IGSF3: variants seen among roughly 807,000 people sequenced by gnomAD.
The protein encoded by IGSF3 is glu-Trp-Ile EWI motif-containing protein 3.
IGSF3 carries 23 observed loss-of-function variants against 114.4 expected under a neutral mutation model. That is an observed-to-expected ratio of 0.20 (90% CI 0.14 to 0.28). IGSF3 has a LOEUF of 0.28. Ranked by LOEUF, IGSF3 falls within the 10% of genes least tolerant of loss-of-function variation. The pLI, the probability that IGSF3 is intolerant of heterozygous loss-of-function variation, is 1.00. For synonymous variants in IGSF3, 571 were observed against 645.2 expected (o/e 0.88, Z 1.74); for missense variants, 1,172 against 1,591.5 (o/e 0.74, Z 4.48).
intron 2 of IGSF3, among the ~76,000 whole-genome samples, chr1:116,631,029 A>G (rs150779700): frequency 0.019 from 2,857 of 152,276 alleles, 91 homozygotes; most frequent in African/African-American, 0.065. Context: ...ACTAAAGAGC[A>G]TGGGCTTGGC....
At position 116,612,890 on chromosome 1, in the gene IGSF3, G is replaced by A. The variant is rs377331182; in HGVS notation, c.832+875C>T. On this transcript the variant is annotated intron_variant, in intron 4 of 10. Transcript: ENST00000369486. The surrounding 1 kb of genome is among the most constrained non-coding windows in gnomAD (Gnocchi z 4.1). The stretch of plus-strand genomic sequence containing the variant: ...AGCTGTCAGCTCTGGCCTGGAGCCT[G>A]GTGGGCTCAGGAGACTGGGGAGTAG... Among the ~76,000 whole-genome samples the A allele has an allele frequency of 6.6e-6, 1 of 152,246 alleles. No individual in the cohort carries two copies. The highest frequency in any genetic ancestry group is 2.1e-4 in the South Asian group (1 of 4,832).
At position 116,628,697 on chromosome 1, in the gene IGSF3, C is replaced by T. The variant is rs1354695989; in HGVS notation, c.44-12240G>A. 6.6e-6 allele frequency among the ~76,000 whole-genome samples: 1 copy of T among 152,186 alleles called. No homozygotes were observed. The highest frequency in any genetic ancestry group is 1.5e-5 in the Non-Finnish European group (1 of 68,042). Reference sequence around the variant, plus strand: ...CACTGCTTCTGGGGGTTTTCCCAAGCACGTGTTACGTATGATAATAATGGA... The same window carrying T: ...CACTGCTTCTGGGGGTTTTCCCAAGTACGTGTTACGTATGATAATAATGGA... On this transcript the variant is annotated intron_variant, in intron 2 of 10. Transcript: ENST00000369486. This position sits in a 1 kb window ranked among gnomAD's most constrained non-coding sequence, Gnocchi z 4.2.
In IGSF3 at chr1:116,642,997, C is replaced by T. The variant is rs1648177411; in HGVS notation, c.43+23287G>A. 6.6e-6 allele frequency among the ~76,000 whole-genome samples: 1 copy of T among 152,192 alleles called. No individual in the cohort carries two copies. On this transcript the variant is annotated intron_variant, in intron 2 of 10. Transcript: ENST00000369486. The surrounding 1 kb of genome is among the most constrained non-coding windows in gnomAD (Gnocchi z 5.4). ...CCCTAAAGCAATTATTCATTAACCA[C>T]AGGGATCCACCATCCAGGAACAAAA...
At position 116,583,373 on chromosome 1, in the gene IGSF3, G is replaced by A. The variant is rs750385408; in HGVS notation, c.2848+1272C>T. Among the ~76,000 whole-genome samples, 7 of 152,118 alleles carry A rather than the reference G, an allele frequency of 4.6e-5. No individual in the cohort carries two copies. Among genetic ancestry groups the A allele is most frequent in the Non-Finnish European group, 8.8e-5 (6 of 68,016 alleles). On this transcript the variant is annotated intron_variant, in intron 9 of 10. Coordinates refer to ENST00000369486, the MANE Select transcript of IGSF3 (RefSeq NM_001007237.3). This position sits in a 1 kb window ranked among gnomAD's most constrained non-coding sequence, Gnocchi z 4.5. ...AAAATATAAATAAGTAAAAGCTCACGGAAAAATAGGAGTTAACTCAAAGTG... is the reference window on the plus strand; with the variant it reads ...AAAATATAAATAAGTAAAAGCTCACAGAAAAATAGGAGTTAACTCAAAGTG...
At chr1:116,587,324 A>G (rs1332201267) in intron 8 of IGSF3, among the ~76,000 whole-genome samples, 1 of 152,230 alleles carries the variant, frequency 6.6e-6, no homozygotes, top group Non-Finnish European at 1.5e-5. Flanking sequence ...GTAAATTAAC[A>G]GAATGTCAGG....
Position 116,593,051 on chromosome 1 carries a change from G to A in IGSF3, c.2030-3947C>T, listed in dbSNP as rs1230602652. Among the ~76,000 whole-genome samples, 2 of 152,218 alleles carry A rather than the reference G, an allele frequency of 1.3e-5. No homozygotes were observed. Among genetic ancestry groups the A allele is most frequent in the African/African-American group, 4.8e-5 (2 of 41,468 alleles). ...TTCAAGGAGGAGCAAGTGCTCAGGT[G>A]TAGTGGATGAGGTTAGAAAGGTAAG... On this transcript the variant is annotated intron_variant, in intron 7 of 10. Transcript: ENST00000369486. This position sits in a 1 kb window ranked among gnomAD's most constrained non-coding sequence, Gnocchi z 4.5.
chr1:116,658,040 A>G (rs699783), intron 2 of IGSF3, among the ~76,000 whole-genome samples: 149,296 of 151,058 alleles, frequency 0.99, 73,792 homozygotes, highest in Middle Eastern at 1. Flanking sequence ...TTTTTTTTGA[A>G]ATGGAGTTTT....
Position 116,624,203 on chromosome 1 carries a change from CAA to C in IGSF3, c.44-7748_44-7747del, listed in dbSNP as rs58584252. Among the ~76,000 whole-genome samples the C allele has an allele frequency of 2.6e-4, 31 of 118,746 alleles. No individual in the cohort carries two copies. The highest frequency in any genetic ancestry group is 2.7e-4 in the South Asian group (1 of 3,654). 77.9% of individuals were successfully genotyped at this position (118,746 alleles called of 152,430 possible). ...TGGGTGACAGAGCGAGATCTTGTCT[CAA>C]AAAAAAAAAAAAAATGGCTCTTGAA... On this transcript the variant is annotated intron_variant, in intron 2 of 10. Coordinates refer to ENST00000369486, the MANE Select transcript of IGSF3 (RefSeq NM_001007237.3). The surrounding 1 kb of genome is among the most constrained non-coding windows in gnomAD (Gnocchi z 4.9).
At chr1:116,659,079 G>A (rs3870825) in intron 2 of IGSF3, among the ~76,000 whole-genome samples, 1 of 152,198 alleles carries the variant, frequency 6.6e-6, no homozygotes, top group African/African-American at 2.4e-5. Context: ...CACTTTCCAG[G>A]CAGGGTAGAG....
At chr1:116,645,929 C>G (rs541921433) in intron 2 of IGSF3, among the ~76,000 whole-genome samples, 1 of 152,184 alleles carries the variant, frequency 6.6e-6, no homozygotes, top group Non-Finnish European at 1.5e-5. Flanking sequence ...GCCATGGACG[C>G]GACTGCGCTG....
rs184311779 is a variant in IGSF3, at chr1:116,590,063, C to T, written c.2030-959G>A. Among the ~76,000 whole-genome samples, 190 of 151,334 alleles carry T rather than the reference C, an allele frequency of 1.3e-3. 2 individuals carry two copies. The highest frequency in any genetic ancestry group is 4.4e-3 in the African/African-American group (180 of 41,146). ...ACAGGTAATTAGAGGATGCTGCGGG[C>T]GGGGGGAGAGGGGGCTTCCTCTGGG... On this transcript the variant is annotated intron_variant, in intron 7 of 10. Transcript: ENST00000369486.
chr1:116,663,887 A>T (rs963570206), intron 2 of IGSF3, among the ~76,000 whole-genome samples: 1 of 152,144 alleles, frequency 6.6e-6, no homozygotes, highest in African/African-American at 2.4e-5. Flanking sequence ...CAGGCATGTG[A>T]CCTATATGGG....
intron 4 of IGSF3, among the ~76,000 whole-genome samples, chr1:116,611,127 C>A (rs1029849728): frequency 6.6e-6 from 1 of 152,182 alleles, no homozygotes; most frequent in Non-Finnish European, 1.5e-5. Flanking sequence ...CTCTTGGCTT[C>A]AGACTCAACA....
In IGSF3 at chr1:116,605,718, A is replaced by G. The variant is rs936972709; in HGVS notation, c.1223-1693T>C. Among the ~76,000 whole-genome samples the G allele has an allele frequency of 6.6e-6, 1 of 152,220 alleles. No homozygotes were observed. The highest frequency in any genetic ancestry group is 6.5e-5 in the Admixed American group (1 of 15,286). On this transcript the variant is annotated intron_variant, in intron 5 of 10. Coordinates refer to ENST00000369486, the MANE Select transcript of IGSF3 (RefSeq NM_001007237.3). This position sits in a 1 kb window ranked among gnomAD's most constrained non-coding sequence, Gnocchi z 5.1. ...TTTCATCATCATTAATAACAACAAT[A>G]TTCCTCTTTAGATTAAAGACTCATC...
At chr1:116,630,773 GGTGGCT>G (rs1449000234) in intron 2 of IGSF3, among the ~76,000 whole-genome samples, 1 of 152,204 alleles carries the variant, frequency 6.6e-6, no homozygotes, top group African/African-American at 2.4e-5. Context: ...ACACAAGAGA[GGTGGCT>G]TGTGCCCAGT....
In IGSF3 at chr1:116,642,221, G is replaced by A. The variant is rs1648139402; in HGVS notation, c.43+24063C>T. Among the ~76,000 whole-genome samples the A allele has an allele frequency of 1.3e-5, 2 of 151,782 alleles. No homozygotes were observed. The highest frequency in any genetic ancestry group is 2.9e-5 in the Non-Finnish European group (2 of 67,970). ...GATTTTTGATTTTTAACATGTGCAT[G>A]GATTACCTCTTATTAGAAAAAAAAA... On this transcript the variant is annotated intron_variant, in intron 2 of 10. Transcript: ENST00000369486. The surrounding 1 kb of genome is among the most constrained non-coding windows in gnomAD (Gnocchi z 5.4).
Position 116,594,009 on chromosome 1 carries a change from A to G in IGSF3, c.2030-4905T>C, listed in dbSNP as rs1313024822. Reference sequence around the variant, plus strand: ...TGGGCCTAGAACCTACTTTCGTTTTACTATAATCACAATACTTTTATTTTG... The same window carrying G: ...TGGGCCTAGAACCTACTTTCGTTTTGCTATAATCACAATACTTTTATTTTG... On this transcript the variant is annotated intron_variant, in intron 7 of 10. Transcript: ENST00000369486. This position sits in a 1 kb window ranked among gnomAD's most constrained non-coding sequence, Gnocchi z 5.2. Among the ~76,000 whole-genome samples, 1 of 152,206 alleles carries G rather than the reference A, an allele frequency of 6.6e-6. No homozygotes were observed. Among genetic ancestry groups the G allele is most frequent in the African/African-American group, 2.4e-5 (1 of 41,454 alleles).
chr1:116,609,318 C>T (rs1660922149), intron 4 of IGSF3, among the ~76,000 whole-genome samples: 1 of 151,964 alleles, frequency 6.6e-6, no homozygotes, highest in African/African-American at 2.4e-5. Flanking sequence ...ATGATCGTGG[C>T]TCACTGCAGC....
chr1:116,622,416 C>T (rs1199897673), intron 2 of IGSF3, among the ~76,000 whole-genome samples: 3 of 151,368 alleles, frequency 2.0e-5, no homozygotes, highest in African/African-American at 7.3e-5. Flanking sequence ...TTAAAAAGAA[C>T]ATTAAGTTTG....
Sources: allele counts gnomAD v4.1 joint callset (sites outside exome capture counted in the v4.1 genomes callset), GRCh38; gene constraint gnomAD v4.1.1; non-coding constraint Gnocchi (gnomAD v3.1); transcripts MANE v1.5; gene names NCBI Gene and HGNC (gene_info 2026-07-23, HGNC 2026-07-21).